GALNTL6: variants seen among roughly 807,000 people sequenced by gnomAD.
GALNTL6 encodes the protein polypeptide N-acetylgalactosaminyltransferase like 6.
GALNTL6 carries 46 observed loss-of-function variants against 73.7 expected under a neutral mutation model. The ratio of observed to expected loss-of-function variants is 0.62; its 90% CI spans 0.49 to 0.80. The LOEUF is 0.80. Ranked by LOEUF, GALNTL6 falls within the 30% of genes least tolerant of loss-of-function variation. The pLI, the probability that GALNTL6 is intolerant of heterozygous loss-of-function variation, is 0.00. For synonymous variants in GALNTL6, 259 were observed against 263.7 expected (o/e 0.98, Z 0.17); for missense variants, 604 against 755.0 (o/e 0.80, Z 2.34).
At chr4:172,720,746 T>C (rs182144792) in intron 5 of GALNTL6, among the ~76,000 whole-genome samples, 4 of 152,288 alleles carry the variant, frequency 2.6e-5, no homozygotes, top group East Asian at 1.9e-4. Flanking sequence ...CATTACTCTT[T>C]AGTAGTAAAG....
chr4:171,879,524 A>G (rs1283771771), intron 2 of GALNTL6, among the ~76,000 whole-genome samples: 1 of 152,212 alleles, frequency 6.6e-6, no homozygotes, highest in African/African-American at 2.4e-5. Context: ...CAATATAAAA[A>G]TGGAATATAA....
chr4:172,744,294 A>G (rs1736971115), intron 5 of GALNTL6, among the ~76,000 whole-genome samples: 1 of 152,122 alleles, frequency 6.6e-6, no homozygotes, highest in Admixed American at 6.6e-5. Flanking sequence ...GTGACTGGAT[A>G]TCAGTAATAA....
intron 2 of GALNTL6, among the ~76,000 whole-genome samples, chr4:171,865,450 A>G (rs1735945770): frequency 3.3e-5 from 5 of 152,216 alleles, no homozygotes; most frequent in Admixed American, 3.3e-4. Flanking sequence ...TATAAATTTC[A>G]AAATTACAAA....
chr4:172,543,985 G>A (rs986475396), intron 5 of GALNTL6, among the ~76,000 whole-genome samples: 14 of 152,124 alleles, frequency 9.2e-5, no homozygotes, highest in African/African-American at 2.7e-4. Context: ...GATATCATTT[G>A]TACCCATTAT....
intron 7 of GALNTL6, among the ~76,000 whole-genome samples, chr4:172,861,318 CATGTGTGTGT>C (rs1478466786): frequency 2.3e-4 from 32 of 140,884 alleles, no homozygotes; most frequent in East Asian, 2.2e-3. Flanking sequence ...TTTTTGCTTA[CATGTGTGTGT>C]GTGTGTGTGT....
intron 10 of GALNTL6, among the ~76,000 whole-genome samples, chr4:173,005,666 G>A (rs1752247020): frequency 1.3e-5 from 2 of 152,282 alleles, no homozygotes; most frequent in South Asian, 2.1e-4. Flanking sequence ...AGAAGCAGGT[G>A]GACAGGTAAG....
intron 5 of GALNTL6, among the ~76,000 whole-genome samples, chr4:172,552,579 G>T (rs765809920): frequency 6.6e-6 from 1 of 151,888 alleles, no homozygotes; most frequent in Non-Finnish European, 1.5e-5. Context: ...TTGTTTAATA[G>T]CAAACATTGA....
intron 2 of GALNTL6, among the ~76,000 whole-genome samples, chr4:172,195,394 A>G (rs1306456530): frequency 6.6e-6 from 1 of 152,164 alleles, no homozygotes; most frequent in East Asian, 1.9e-4. Context: ...AATATCAACA[A>G]ATATATTCAG....
At chr4:172,118,149 G>A (rs1733037609) in intron 2 of GALNTL6, among the ~76,000 whole-genome samples, 1 of 152,080 alleles carries the variant, frequency 6.6e-6, no homozygotes, top group Non-Finnish European at 1.5e-5. Flanking sequence ...GTAGATGAAT[G>A]AAAAATGTTG....
At chr4:172,765,645 A>G (rs911243119) in intron 5 of GALNTL6, among the ~76,000 whole-genome samples, 2 of 152,152 alleles carry the variant, frequency 1.3e-5, no homozygotes, top group African/African-American at 4.8e-5. Flanking sequence ...GGGTGATAAA[A>G]ATCTGTGTAT....
At chr4:172,243,965 C>A (rs1234623237) in intron 3 of GALNTL6, among the ~76,000 whole-genome samples, 3 of 152,080 alleles carry the variant, frequency 2.0e-5, no homozygotes, top group Non-Finnish European at 4.4e-5. Flanking sequence ...ATTGAAGCCT[C>A]ATGTCTCTTA....
chr4:172,857,605 A>T (rs1744186280), intron 7 of GALNTL6, among the ~76,000 whole-genome samples: 1 of 152,186 alleles, frequency 6.6e-6, no homozygotes, highest in African/African-American at 2.4e-5. Flanking sequence ...GTTCTTTTTG[A>T]GAAAATTGTA....
chr4:172,217,536 G>A (rs569230198), intron 2 of GALNTL6, among the ~76,000 whole-genome samples: 9 of 152,156 alleles, frequency 5.9e-5, no homozygotes, highest in Admixed American at 1.3e-4. Context: ...TCTCAGCCAC[G>A]TTTGTTCTAC....
intron 2 of GALNTL6, among the ~76,000 whole-genome samples, chr4:172,077,363 G>C (rs1428376140): frequency 6.6e-6 from 1 of 152,048 alleles, no homozygotes; most frequent in East Asian, 1.9e-4. Flanking sequence ...AATGCTGCTA[G>C]TGATATGGAC....
intron 5 of GALNTL6, among the ~76,000 whole-genome samples, chr4:172,441,805 C>A (rs1731847261): frequency 6.6e-6 from 1 of 152,094 alleles, no homozygotes; most frequent in Admixed American, 6.6e-5. Context: ...CATGAAACTA[C>A]CCCAGCAAGT....
chr4:172,587,702 C>T (rs956505725), intron 5 of GALNTL6, among the ~76,000 whole-genome samples: 1 of 152,188 alleles, frequency 6.6e-6, no homozygotes, highest in Non-Finnish European at 1.5e-5. Context: ...CTTCCAGGAT[C>T]GGCTCTAGCA....
chr4:172,267,123 G>A (rs192251613), intron 3 of GALNTL6, among the ~76,000 whole-genome samples: 2 of 152,162 alleles, frequency 1.3e-5, no homozygotes, highest in Non-Finnish European at 2.9e-5. Flanking sequence ...TCTGTATTGT[G>A]TAATATGGCT....
chr4:172,153,095 T>A (rs963001102), intron 2 of GALNTL6, among the ~76,000 whole-genome samples: 10 of 152,246 alleles, frequency 6.6e-5, no homozygotes, highest in Admixed American at 5.2e-4. Flanking sequence ...AGAGTTCACA[T>A]CCGCTTATTG....
intron 2 of GALNTL6, among the ~76,000 whole-genome samples, chr4:171,855,614 A>T (rs1233230987): frequency 6.6e-6 from 1 of 152,220 alleles, no homozygotes; most frequent in Non-Finnish European, 1.5e-5. Flanking sequence ...GTAAGTTTTT[A>T]ACTTGAGTAA....
Sources: allele counts gnomAD v4.1 joint callset (sites outside exome capture counted in the v4.1 genomes callset), GRCh38; gene constraint gnomAD v4.1.1; transcripts MANE v1.5; gene names NCBI Gene and HGNC (gene_info 2026-07-23, HGNC 2026-07-21).